The following SNTG2 variants were observed in gnomAD, a reference collection of about 807,000 sequenced individuals.
SNTG2 encodes syntrophin gamma 2.
Under a neutral mutation model 70.9 loss-of-function variants are expected in SNTG2, and 74 were observed. That is an observed-to-expected ratio of 1.04 (90% CI 0.86 to 1.27). The LOEUF (loss-of-function observed/expected upper bound fraction) is 1.27, where lower values mean the gene tolerates loss of function less well. Ranked by LOEUF, SNTG2 falls within the 50% of genes most tolerant of loss-of-function variation. The pLI is 0.00. For synonymous variants in SNTG2, 278 were observed against 273.8 expected, an observed-to-expected ratio of 1.02 and a Z score of -0.15; for missense variants, 717 against 690.7, an observed-to-expected ratio of 1.04 and a Z score of -0.43.
intron 1 of SNTG2, among the ~76,000 whole-genome samples, chr2:1,018,032 A>G (rs1490987895): frequency 6.6e-6 from 1 of 152,168 alleles, no homozygotes; most frequent in Non-Finnish European, 1.5e-5. Context: ...TCGTGCATGT[A>G]TCTGGCATCC....
chr2:1,235,044 C>G (rs189329054), intron 9 of SNTG2, among the ~76,000 whole-genome samples: 2 of 152,234 alleles, frequency 1.3e-5, no homozygotes, highest in Non-Finnish European at 2.9e-5. Context: ...GGTGACCATG[C>G]GTGTCCTTCA....
At chr2:1,335,554 A>G (rs556881202) in intron 16 of SNTG2, among the ~76,000 whole-genome samples, 1 of 152,342 alleles carries the variant, frequency 6.6e-6, no homozygotes, top group South Asian at 2.1e-4. Context: ...GGGAAAACCA[A>G]GAAAATTTCT....
rs951218848 is a variant in SNTG2, at chr2:1,209,312, A to G, written c.719+82A>G. ...GTTCCTACAGGCCGCTGGTTACTCC[A>G]GAGCGCTTGACTGTGACATTAGCAA... On this transcript the variant is annotated intron_variant, in intron 9 of 16. Coordinates refer to ENST00000308624, the MANE Select transcript of SNTG2 (RefSeq NM_018968.4). 12 of 1,557,550 alleles carry G rather than the reference A, an allele frequency of 7.7e-6. No individual in the cohort carries two copies. The African/African-American group carries it at 1.6e-4, about 21-fold the overall frequency.
intron 6 of SNTG2, among the ~76,000 whole-genome samples, chr2:1,162,096 G>A (rs921465953): frequency 9.6e-4 from 135 of 140,608 alleles, no homozygotes; most frequent in South Asian, 3.7e-3. Flanking sequence ...AAAAAAAAGT[G>A]CTTGTTTTCA....
chr2:1,051,519 T>G (rs1178161412), intron 1 of SNTG2, among the ~76,000 whole-genome samples: 1 of 152,200 alleles, frequency 6.6e-6, no homozygotes, highest in East Asian at 1.9e-4. Context: ...CACTCCCCTG[T>G]GCAACCCATC....
chr2:1,078,155 C>T (rs1174329474), intron 1 of SNTG2, among the ~76,000 whole-genome samples: 3 of 152,146 alleles, frequency 2.0e-5, no homozygotes, highest in East Asian at 3.9e-4. Flanking sequence ...TGTGGCATTC[C>T]GTTTGAGAAC....
intron 8 of SNTG2, among the ~76,000 whole-genome samples, chr2:1,178,668 G>A (rs1338153375): frequency 1.3e-5 from 2 of 152,098 alleles, no homozygotes; most frequent in African/African-American, 2.4e-5. Flanking sequence ...TGATCATGGT[G>A]GATAAGCTTT....
At chr2:1,333,217 A>G (rs1659621737) in intron 16 of SNTG2, among the ~76,000 whole-genome samples, 3 of 152,228 alleles carry the variant, frequency 2.0e-5, no homozygotes, top group Non-Finnish European at 2.9e-5. Context: ...TGCAAAAAGT[A>G]AAATATTTAG....
At chr2:1,039,512 T>C (rs1661312379) in intron 1 of SNTG2, among the ~76,000 whole-genome samples, 1 of 152,158 alleles carries the variant, frequency 6.6e-6, no homozygotes, top group Non-Finnish European at 1.5e-5. Flanking sequence ...TACCATTATT[T>C]TTCTTTGAAA....
chr2:1,005,330 C>T (rs369327419), intron 1 of SNTG2, among the ~76,000 whole-genome samples: 8 of 151,792 alleles, frequency 5.3e-5, no homozygotes, highest in African/African-American at 1.5e-4. Flanking sequence ...CTCTGGGTGA[C>T]GAGGACATGT....
At chr2:1,199,076 A>C (rs918553572) in intron 8 of SNTG2, among the ~76,000 whole-genome samples, 83 of 151,850 alleles carry the variant, frequency 5.5e-4, no homozygotes, top group African/African-American at 2.0e-3. Flanking sequence ...GGACACAGCA[A>C]AGAAAGGAAA....
chr2:1,137,715 A>G (rs1668486729), intron 5 of SNTG2, 50 bp downstream of exon 5: 2 of 1,613,282 alleles, frequency 1.2e-6, no homozygotes, highest in Non-Finnish European at 1.7e-6. Context: ...TTTATTTTTA[A>G]CTTGTATTAA....
At chr2:1,167,238 C>T (rs1670777108) in intron 7 of SNTG2, among the ~76,000 whole-genome samples, 1 of 150,678 alleles carries the variant, frequency 6.6e-6, no homozygotes, top group Non-Finnish European at 1.5e-5. Flanking sequence ...AAGCCACCCA[C>T]AGACGACAGA....
At chr2:1,211,496 C>G (rs1674037482) in intron 9 of SNTG2, among the ~76,000 whole-genome samples, 1 of 152,100 alleles carries the variant, frequency 6.6e-6, no homozygotes, top group African/African-American at 2.4e-5. Flanking sequence ...CATTTTCATA[C>G]TACTGTGTAG....
chr2:1,009,511 G>T (rs1659663216), intron 1 of SNTG2, among the ~76,000 whole-genome samples: 1 of 132,366 alleles, frequency 7.6e-6, no homozygotes, highest in Admixed American at 7.7e-5. Context: ...GGTGGGTCGT[G>T]TGTATGGCAG....
At chr2:1,187,139 A>C (rs1672299301) in intron 8 of SNTG2, among the ~76,000 whole-genome samples, 1 of 152,190 alleles carries the variant, frequency 6.6e-6, no homozygotes, top group South Asian at 2.1e-4. Context: ...ATTAATGATA[A>C]TTTTCTGGAG....
chr2:1,208,226 A>C (rs931453894), intron 8 of SNTG2, among the ~76,000 whole-genome samples: 2 of 143,734 alleles, frequency 1.4e-5, no homozygotes, highest in Non-Finnish European at 3.0e-5. Flanking sequence ...CGCGGGTTAC[A>C]CCTGTGAGTG....
At chr2:1,151,907 G>A (rs573102009) in intron 6 of SNTG2, among the ~76,000 whole-genome samples, 45 of 143,136 alleles carry the variant, frequency 3.1e-4, no homozygotes, top group African/African-American at 1.2e-3. Context: ...TCAGAACTAA[G>A]AATTGAAAAC....
intron 1 of SNTG2, among the ~76,000 whole-genome samples, chr2:1,025,081 C>T (rs1275377228): frequency 2.6e-5 from 4 of 152,192 alleles, no homozygotes; most frequent in Non-Finnish European, 5.9e-5. Context: ...CTATGTTCCC[C>T]ACCAGAACAC....
Sources: gnomAD v4.1 joint callset for allele counts (sites outside exome capture counted in the v4.1 genomes callset) on GRCh38, gnomAD v4.1.1 for gene constraint, MANE v1.5 for transcripts, NCBI Gene and HGNC (gene_info 2026-07-23, HGNC 2026-07-21) for gene names.